The following EPOR variants were observed in gnomAD, a reference collection of about 807,000 sequenced individuals.
EPOR encodes erythropoietin receptor.
EPOR carries 20 observed loss-of-function variants against 34.3 expected under a neutral mutation model. That is an observed-to-expected ratio of 0.58 (90% CI 0.41 to 0.85). EPOR has a LOEUF of 0.85. EPOR is among the 40% of genes least tolerant of loss of function. The pLI, the probability that EPOR is intolerant of heterozygous loss-of-function variation, is 0.00. For missense variants in EPOR, 601 were observed against 672.7 expected (o/e 0.89, Z 1.18); for synonymous variants, 312 against 299.0 (o/e 1.04, Z -0.45).
At position 11,381,017 on chromosome 19, in the gene EPOR, T is replaced by G. The variant is rs1968347795; in HGVS notation, c.739+39A>C. 1 of 1,572,448 alleles carries G rather than the reference T, an allele frequency of 6.4e-7. No homozygotes were observed. The highest frequency in any genetic ancestry group is 2.3e-5 in the East Asian group (1 of 42,622). On this transcript the variant is annotated intron_variant, in intron 5 of 7. Transcript: ENST00000222139. The surrounding 1 kb of genome is among the most constrained non-coding windows in gnomAD (Gnocchi z 5.3). ...CAGGGCGGTGGGCTTGCCCCGTGAT[T>G]CGCCCTGGCTCCTCCTACACCCCCG... is the stretch of plus-strand genomic sequence containing the variant.
chr19:11,382,665 A>AT (rs1005830342), intron 2 of EPOR, among the ~76,000 whole-genome samples: 7 of 149,500 alleles, frequency 4.7e-5, no homozygotes, highest in Admixed American at 1.3e-4. Flanking sequence ...GCCCAGTCTA[A>AT]TTTTTTTTTA....
chr19:11,381,696 T>G lies in EPOR; in HGVS notation c.581A>C (p.Gln194Pro). Residue 194 changes from glutamine (Q) to proline (P), a missense_variant, in exon 4 of 8, where the codon CAG becomes CCG. By Grantham distance (76) the Gln-to-Pro change is moderately conservative (BLOSUM62 -1). Coordinates refer to ENST00000222139, the MANE Select transcript of EPOR (RefSeq NM_000121.4). This position sits in a 1 kb window ranked among gnomAD's most constrained non-coding sequence, Gnocchi z 5.3. ...GGCCGTAGGGGCTGGCCTCACCCTC[T>G]GTACGCTCCCTGCGCCGTTGCCGGC... is the stretch of plus-strand genomic sequence containing the variant. ...VSAGNGAGSV[Q>P]RVEILEGRTE... 1 of 1,606,166 alleles carries G rather than the reference T, an allele frequency of 6.2e-7. No homozygotes were observed.
At chr19:11,384,056 G>C (rs1968402160) in intron 1 of EPOR, 37 bp downstream of exon 1, 1 of 1,353,832 alleles carries the variant, frequency 7.4e-7, no homozygotes, top group African/African-American at 1.4e-5. Context: ...GGTCCTGCAG[G>C]CTCCAGCGTA....
Position 11,383,659 on chromosome 19 carries a change from C to T in EPOR, c.116-427G>A. On this transcript the variant is annotated intron_variant, in intron 1 of 7. Coordinates refer to ENST00000222139, the MANE Select transcript of EPOR (RefSeq NM_000121.4). The surrounding 1 kb of genome is among the most constrained non-coding windows in gnomAD (Gnocchi z 4.9). ...GCCTCCCTCCCTCCACCGGGCCGGGCAAGTGATCTGGCGCCCTCACACAAA... is the reference window on the plus strand; with the variant it reads ...GCCTCCCTCCCTCCACCGGGCCGGGTAAGTGATCTGGCGCCCTCACACAAA... 4.2e-6 allele frequency: 1 copy of T among 240,322 alleles called. No individual in the cohort carries two copies. The highest frequency in any genetic ancestry group is 8.2e-6 in the Non-Finnish European group (1 of 121,978). 14.9% of individuals were successfully genotyped at this position (240,322 alleles called of 1,614,324 possible).
At chr19:11,379,122 T>TC (rs1417534140) in intron 6 of EPOR, among the ~76,000 whole-genome samples, 5 of 151,570 alleles carry the variant, frequency 3.3e-5, no homozygotes, top group Non-Finnish European at 5.9e-5. Flanking sequence ...ACCCAGGAGT[T>TC]CAAGACCAGC....
rs981122712 is a variant in EPOR at position 11,377,893 on chromosome 19, G to A, written c.*91C>T. 1 of 1,535,302 alleles carries A rather than the reference G, an allele frequency of 6.5e-7. No individual in the cohort carries two copies. Among genetic ancestry groups the A allele is most frequent in the African/African-American group, 1.4e-5 (1 of 73,430 alleles). ...AAATCAGCAATGCCCCTGCTCCTGA[G>A]AGAGGCCTCGCCATCCCTGTTCCAT... On this transcript the variant is annotated 3_prime_UTR_variant, in exon 8 of 8. Coordinates refer to ENST00000222139, the MANE Select transcript of EPOR (RefSeq NM_000121.4).
chr19:11,383,071 G>C lies in EPOR; in HGVS notation c.251+26C>G, dbSNP rs1397703479. ...TGCCCCACCCCCTCCCTCCGCCCTT[G>C]GAGGCACCCGCCGGATCGGACTCAC... is the stretch of plus-strand genomic sequence containing the variant. On this transcript the variant is annotated intron_variant, in intron 2 of 7. Transcript: ENST00000222139. This position sits in a 1 kb window ranked among gnomAD's most constrained non-coding sequence, Gnocchi z 4.9. 1 of 1,612,854 alleles carries C rather than the reference G, an allele frequency of 6.2e-7. No homozygotes were observed. The highest frequency in any genetic ancestry group is 8.5e-7 in the Non-Finnish European group (1 of 1,179,716).
chr19:11,381,088 C>G lies in EPOR; in HGVS notation c.707G>C (p.Trp236Ser). 1 of 1,599,028 alleles carries G rather than the reference C, an allele frequency of 6.3e-7. No homozygotes were observed. The highest frequency in any genetic ancestry group is 8.5e-7 in the Non-Finnish European group (1 of 1,173,122). ...EPSFGGFWSA[W>S]SEPVSLLTPS... ...CGTCAGCAGCGACACAGGCTCCGAC[C>G]AGGCGCTCCAGAAGCCGCCGAAGCT... Residue 236 changes from tryptophan to serine, a missense_variant, in exon 5 of 8, where the codon TGG (tryptophan) becomes TCG (serine). Transcript: ENST00000222139. This position sits in a 1 kb window ranked among gnomAD's most constrained non-coding sequence, Gnocchi z 5.3.
rs550706752 is a variant in EPOR at position 11,381,144 on chromosome 19, G to A, written c.651C>T (p.Thr217=). 2.6e-6 allele frequency: 4 copies of A among 1,561,858 alleles called. No homozygotes were observed. The highest frequency in any genetic ancestry group is 2.6e-6 in the Non-Finnish European group (3 of 1,153,276). Residue 217 remains threonine, a synonymous_variant, in exon 5 of 8, where the codon ACC becomes ACT. Transcript: ENST00000222139. The surrounding 1 kb of genome is among the most constrained non-coding windows in gnomAD (Gnocchi z 5.3). ...LSNLRGRTRY[T]FAVRARMAEP... ...CAGCCATACGCGCGCGGACGGCGAA[G>A]GTGTAGCGCGTCCGGCCCCGCAGGT... is the stretch of plus-strand genomic sequence containing the variant.
Position 11,384,126 on chromosome 19 carries a change from G to C in EPOR, c.82C>G (p.Pro28Ala), listed in dbSNP as rs1184183632. 1 of 1,550,484 alleles carries C rather than the reference G, an allele frequency of 6.4e-7. No homozygotes were observed. The highest frequency in any genetic ancestry group is 8.7e-7 in the Non-Finnish European group (1 of 1,146,600). ...LLAGAAWAPP[P>A]NLPDPKFESK... ...TCGAACTTGGGGTCCGGGAGGTTAG[G>C]CGGGGGCGCCCAGGCGGCCCCAGCG... The change falls in exon 1 of 8, where the codon CCT (proline) becomes GCT (alanine). Residue 28 changes from proline (P) to alanine (A), a missense_variant. Physicochemically the swap from Pro to Ala is conservative, Grantham distance 27 (BLOSUM62 -1). Transcript: ENST00000222139.
rs750673369 is a variant in EPOR, at chr19:11,377,907, T to A, written c.*77A>T. 6 of 1,587,562 alleles carry A rather than the reference T, an allele frequency of 3.8e-6. No individual in the cohort carries two copies. The highest frequency in any genetic ancestry group is 5.2e-6 in the Non-Finnish European group (6 of 1,158,974). The stretch of plus-strand genomic sequence containing the variant: ...CCTGCTCCTGAGAGAGGCCTCGCCA[T>A]CCCTGTTCCATAAGTCTTGAGTCTG... On this transcript the variant is annotated 3_prime_UTR_variant, in exon 8 of 8. Coordinates refer to ENST00000222139, the MANE Select transcript of EPOR (RefSeq NM_000121.4).
chr19:11,382,374 T>G, intron 2 of EPOR, among the ~76,000 whole-genome samples: 1 of 150,210 alleles, frequency 6.7e-6, no homozygotes. Flanking sequence ...TTTTTTTTTT[T>G]TTTTTTGAGA....
chr19:11,377,998 C>T lies in EPOR; in HGVS notation c.1513G>A (p.Val505Met). The part of the protein sequence containing the change: ...PAAEPLPPSY[V>M]ACS ...AGCCTGGTGTCCTAAGAGCAAGCCA[C>T]ATAGCTGGGGGGCAGAGGCTCAGCG... Residue 505 changes from valine (V) to methionine (M), a missense_variant, in exon 8 of 8, where the codon GTG becomes ATG. Coordinates refer to ENST00000222139, the MANE Select transcript of EPOR (RefSeq NM_000121.4). 6.2e-7 allele frequency: 1 copy of T among 1,614,136 alleles called. No homozygotes were observed. The highest frequency in any genetic ancestry group is 8.5e-7 in the Non-Finnish European group (1 of 1,180,046).
chr19:11,380,445 A>G (rs1020898257), intron 6 of EPOR, among the ~76,000 whole-genome samples: 8 of 152,242 alleles, frequency 5.3e-5, no homozygotes, highest in African/African-American at 1.9e-4. Context: ...AGGGAACAGC[A>G]TGGGCAAAAG....
In EPOR at chr19:11,381,731, C is replaced by A; in HGVS notation, c.546G>T (p.Val182=). 1 of 1,612,492 alleles carries A rather than the reference C, an allele frequency of 6.2e-7. No homozygotes were observed. Among genetic ancestry groups the A allele is most frequent in the South Asian group, 1.1e-5 (1 of 90,822 alleles). ...TPMTSHIRYE[V]DVSAGNGAGS... is the part of the protein sequence containing the mutation. Reference sequence around the variant, plus strand: ...CTGCGCCGTTGCCGGCCGAGACGTCCACCTCGTAGCGGATGTGAGACGTCA... The same window carrying A: ...CTGCGCCGTTGCCGGCCGAGACGTCAACCTCGTAGCGGATGTGAGACGTCA... The change falls in exon 4 of 8, where the codon GTG becomes GTT. Residue 182 remains valine, a synonymous_variant. Coordinates refer to ENST00000222139, the MANE Select transcript of EPOR (RefSeq NM_000121.4). This position sits in a 1 kb window ranked among gnomAD's most constrained non-coding sequence, Gnocchi z 5.3.
rs1370120848 is a variant in EPOR, at chr19:11,383,066, C to G, written c.251+31G>C. 2 of 1,612,914 alleles carry G rather than the reference C, an allele frequency of 1.2e-6. No individual in the cohort carries two copies. The highest frequency in any genetic ancestry group is 1.7e-5 in the Admixed American group (1 of 60,018). ...AGCTCTGCCCCACCCCCTCCCTCCG[C>G]CCTTGGAGGCACCCGCCGGATCGGA... On this transcript the variant is annotated intron_variant, in intron 2 of 7. Transcript: ENST00000222139. The surrounding 1 kb of genome is among the most constrained non-coding windows in gnomAD (Gnocchi z 4.9).
intron 6 of EPOR, among the ~76,000 whole-genome samples, chr19:11,380,276 G>T (rs1036029168): frequency 3.3e-5 from 5 of 152,226 alleles, no homozygotes; most frequent in Admixed American, 6.5e-5. Context: ...CAAGGTCAGG[G>T]ACTTGTGGTC....
chr19:11,383,039 G>T lies in EPOR; in HGVS notation c.251+58C>A, dbSNP rs749724218. ...GGACATACGAGGCTACGACCTCCAGGGAGCTCTGCCCCACCCCCTCCCTCC... is the reference window on the plus strand; with the variant it reads ...GGACATACGAGGCTACGACCTCCAGTGAGCTCTGCCCCACCCCCTCCCTCC... On this transcript the variant is annotated intron_variant, in intron 2 of 7. Transcript: ENST00000222139. This position sits in a 1 kb window ranked among gnomAD's most constrained non-coding sequence, Gnocchi z 4.9. 1.7e-5 allele frequency: 27 copies of T among 1,610,684 alleles called. No homozygotes were observed. In the African/African-American group the frequency reaches 3.6e-4, roughly 21 times the overall value.
intron 2 of EPOR, 52 bp from the exon 3 acceptor site, chr19:11,382,157 A>T (rs767702352): frequency 6.6e-7 from 1 of 1,520,564 alleles, no homozygotes; most frequent in East Asian, 2.3e-5. Flanking sequence ...GGGAGTTGGC[A>T]TTGCCCGGCC....
Sources: gnomAD v4.1 joint callset for allele counts (sites outside exome capture counted in the v4.1 genomes callset) on GRCh38, gnomAD v4.1.1 for gene constraint, Gnocchi (gnomAD v3.1) non-coding constraint, MANE v1.5 for transcripts, NCBI Gene and HGNC (gene_info 2026-07-23, HGNC 2026-07-21) for gene names.